The following SPACA7 variants were observed in gnomAD, a reference collection of about 807,000 sequenced individuals.
SPACA7 encodes sperm acrosome associated 7.
SPACA7 carries 19 observed loss-of-function variants against 26.3 expected under a neutral mutation model. The ratio of observed to expected loss-of-function variants is 0.72; its 90% CI spans 0.50 to 1.06. The LOEUF is 1.06. Among genes scored for constraint, SPACA7 ranks in the 50% least tolerant of loss-of-function variants. SPACA7 has a pLI of 0.00. For synonymous variants in SPACA7, 84 were observed against 84.5 expected (o/e 0.99, Z 0.04); for missense variants, 211 against 229.9 (o/e 0.92, Z 0.53).
intron 1 of SPACA7, among the ~76,000 whole-genome samples, chr13:112,383,415 A>C (rs1884335388): frequency 6.6e-6 from 1 of 152,170 alleles, no homozygotes; most frequent in Non-Finnish European, 1.5e-5. Flanking sequence ...GATAGAAATT[A>C]TTTACAGTTT....
chr13:112,414,994 T>C (rs1007577185), intron 5 of SPACA7, among the ~76,000 whole-genome samples: 3 of 152,130 alleles, frequency 2.0e-5, no homozygotes, highest in Admixed American at 2.0e-4. Flanking sequence ...GACTGTTGAG[T>C]TCCCTAAGCC....
At chr13:112,419,403 G>C (rs939993652) in intron 5 of SPACA7, among the ~76,000 whole-genome samples, 2 of 152,180 alleles carry the variant, frequency 1.3e-5, no homozygotes, top group Non-Finnish European at 2.9e-5. Context: ...GCACAGCAGG[G>C]CCACAGAGGC....
At chr13:112,409,194 TA>T (rs1886185862) in intron 5 of SPACA7, among the ~76,000 whole-genome samples, 1 of 152,084 alleles carries the variant, frequency 6.6e-6, no homozygotes, top group African/African-American at 2.4e-5. Flanking sequence ...CCCCTCCTTA[TA>T]CCTTATACAA....
At position 112,401,113 on chromosome 13, in the gene SPACA7, TATC is replaced by T; in HGVS notation, c.395_397del (p.Tyr132_Arg133delinsCys). ...TCTCCATGGCGATCCTTCTGAGAATTATCGTGGGCCACAGGTGTCTCCTGGCAG... is the reference window on the plus strand; with the variant it reads ...TCTCCATGGCGATCCTTCTGAGAATTGTGGGCCACAGGTGTCTCCTGGCAG... On this transcript the variant is annotated inframe_deletion, in exon 5 of 7. Coordinates refer to ENST00000283550, the MANE Select transcript of SPACA7 (RefSeq NM_145248.5). 2 of 1,614,132 alleles carry T rather than the reference TATC, an allele frequency of 1.2e-6. No homozygotes were observed. The highest frequency in any genetic ancestry group is 1.7e-6 in the Non-Finnish European group (2 of 1,180,016).
chr13:112,396,895 C>T (rs1885303745), intron 2 of SPACA7, among the ~76,000 whole-genome samples: 1 of 152,188 alleles, frequency 6.6e-6, no homozygotes, highest in Non-Finnish European at 1.5e-5. Context: ...ACACCTCGTC[C>T]ACTCCCAGGG....
chr13:112,380,590 C>CT (rs142563641), intron 1 of SPACA7, among the ~76,000 whole-genome samples: 2,391 of 152,116 alleles, frequency 0.016, 70 homozygotes, highest in African/African-American at 0.054. Context: ...TTTTCTCTCT[C>CT]TTTTTTTCTC....
chr13:112,416,284 TGTTG>T (rs1044180040), intron 5 of SPACA7, among the ~76,000 whole-genome samples: 1 of 78,482 alleles, frequency 1.3e-5, no homozygotes, highest in Non-Finnish European at 2.5e-5. Context: ...TTGTTGTTGT[TGTTG>T]TTTGTTGTTG....
At chr13:112,426,269 T>C (rs1316298793) in intron 5 of SPACA7, among the ~76,000 whole-genome samples, 4 of 152,256 alleles carry the variant, frequency 2.6e-5, no homozygotes, top group African/African-American at 9.6e-5. Flanking sequence ...TATTTTGTTT[T>C]GTTGATGTAA....
intron 5 of SPACA7, among the ~76,000 whole-genome samples, chr13:112,409,678 A>G (rs892486087): frequency 3.3e-5 from 5 of 152,210 alleles, no homozygotes; most frequent in African/African-American, 1.2e-4. Context: ...ACCATCTCAC[A>G]CCAGTTAGAA....
chr13:112,430,168 CTCTCTCTG>C (rs763637014), intron 5 of SPACA7, among the ~76,000 whole-genome samples: 8,713 of 115,794 alleles, frequency 0.075, 328 homozygotes, highest in Non-Finnish European at 0.1. Flanking sequence ...CCTTGCATCT[CTCTCTCTG>C]TGTGTGTGTG....
At chr13:112,392,403 T>C (rs561597404) in intron 1 of SPACA7, among the ~76,000 whole-genome samples, 1 of 152,182 alleles carries the variant, frequency 6.6e-6, no homozygotes, top group South Asian at 2.1e-4. Context: ...CCACCTCTTA[T>C]CTGCAGATGG....
At chr13:112,431,089 G>A (rs1430202416) in intron 5 of SPACA7, among the ~76,000 whole-genome samples, 1 of 152,174 alleles carries the variant, frequency 6.6e-6, no homozygotes. Context: ...ACAGCCTGAT[G>A]TTTCACTGAA....
intron 5 of SPACA7, among the ~76,000 whole-genome samples, chr13:112,407,311 G>C (rs541725652): frequency 6.6e-6 from 1 of 152,276 alleles, no homozygotes; most frequent in South Asian, 2.1e-4. Context: ...AAAAGAACTA[G>C]AGAAGCAAGA....
chr13:112,424,129 A>AC (rs996056765), intron 5 of SPACA7, among the ~76,000 whole-genome samples: 5 of 151,940 alleles, frequency 3.3e-5, no homozygotes, highest in East Asian at 1.9e-4. Context: ...CCGAACAAGG[A>AC]CCCCCCTGGG....
chr13:112,412,769 T>C (rs1886432527), intron 5 of SPACA7, among the ~76,000 whole-genome samples: 1 of 152,174 alleles, frequency 6.6e-6, no homozygotes, highest in Admixed American at 6.5e-5. Flanking sequence ...TGGCTGTAAA[T>C]GCATAGATTT....
intron 1 of SPACA7, among the ~76,000 whole-genome samples, chr13:112,385,422 T>C (rs12856067): frequency 6.6e-6 from 1 of 152,328 alleles, no homozygotes; most frequent in East Asian, 1.9e-4. Context: ...TTATTTTTAG[T>C]GAAAAACCTG....
intron 5 of SPACA7, among the ~76,000 whole-genome samples, chr13:112,423,691 T>G (rs1417590942): frequency 6.6e-6 from 1 of 152,052 alleles, no homozygotes; most frequent in Non-Finnish European, 1.5e-5. Flanking sequence ...AAGAACATAA[T>G]CCTCAGATTC....
At chr13:112,423,513 T>C (rs762175444) in intron 5 of SPACA7, among the ~76,000 whole-genome samples, 7 of 151,972 alleles carry the variant, frequency 4.6e-5, no homozygotes, top group Non-Finnish European at 7.4e-5. Context: ...AGATCTGTCA[T>C]AATTGAAAAA....
intron 2 of SPACA7, among the ~76,000 whole-genome samples, chr13:112,397,383 C>T (rs1290438303): frequency 6.6e-6 from 1 of 152,214 alleles, no homozygotes; most frequent in East Asian, 1.9e-4. Flanking sequence ...GTTGCCACAA[C>T]ACCTGGCCAT....
Sources: allele counts gnomAD v4.1 joint callset (sites outside exome capture counted in the v4.1 genomes callset), GRCh38; gene constraint gnomAD v4.1.1; transcripts MANE v1.5; gene names NCBI Gene and HGNC (gene_info 2026-07-23, HGNC 2026-07-21).